Variants in HOXB3 observed in about 807,000 individuals in gnomAD.
HOXB3 encodes homeobox protein Hox-B3.
Under a neutral mutation model 29.2 loss-of-function variants are expected in HOXB3, and 17 were observed. The observed-to-expected ratio is 0.58, with a 90% CI of 0.40 to 0.87. The LOEUF is 0.87. Ranked by LOEUF, HOXB3 falls within the 40% of genes least tolerant of loss-of-function variation. HOXB3 has a pLI of 0.00. For synonymous variants in HOXB3, 317 were observed against 285.9 expected (o/e 1.11, Z -1.10); for missense variants, 637 against 616.3 (o/e 1.03, Z -0.35).
chr17:48,577,104 TTCCC>T, intron 1 of HOXB3: 16 of 1,362,780 alleles, frequency 1.2e-5, no homozygotes, highest in Admixed American at 2.3e-5. Flanking sequence ...AACACAGCGT[TTCCC>T]TCCCTCCCTC....
At chr17:48,553,403 G>C (rs1371148440) in intron 3 of HOXB3, 2 of 151,930 alleles carry the variant, frequency 1.3e-5, no homozygotes, top group Non-Finnish European at 2.9e-5. Context: ...CAATTTCCTG[G>C]GCCACGCCAG....
chr17:48,550,710 T>A lies in HOXB3; in HGVS notation c.920A>T (p.Asn307Ile). The stretch of plus-strand genomic sequence containing the variant: ...GCAGCCTTTGAGAGGGGGCTGGTAG[T>A]TGGAGGGCAGCGCGTAGGCATTCTG... ...AHQNAYALPS[N>I]YQPPLKGCGA... The change falls in exon 5 of 5, where the codon AAC (asparagine) becomes ATC (isoleucine). Residue 307 changes from asparagine to isoleucine, a missense_variant. By Grantham distance (149) the Asn-to-Ile change is moderately radical. Transcript: ENST00000498678. 2 of 1,546,714 alleles carry A rather than the reference T, an allele frequency of 1.3e-6. No homozygotes were observed. The highest frequency in any genetic ancestry group is 1.7e-6 in the Non-Finnish European group (2 of 1,145,646).
intron 1 of HOXB3, among the ~76,000 whole-genome samples, chr17:48,588,382 T>C (rs1201628163): frequency 6.6e-6 from 1 of 152,214 alleles, no homozygotes; most frequent in Non-Finnish European, 1.5e-5. Context: ...TGTTAGAGCC[T>C]ACAGAACTGA....
At chr17:48,576,813 T>C in intron 1 of HOXB3, 1 of 1,614,234 alleles carries the variant, frequency 6.2e-7, no homozygotes, top group Non-Finnish European at 8.5e-7. Context: ...GTTGGGCAAC[T>C]TGTGGTCTTT....
In HOXB3 at chr17:48,554,811, G is replaced by T; in HGVS notation, c.-159+720C>A. ...AAACTCCGCTTCGGGACTTTGCTCAGCAGGGCTCCGGGTTGGAGGGCGCCG... is the reference window on the plus strand; with the variant it reads ...AAACTCCGCTTCGGGACTTTGCTCATCAGGGCTCCGGGTTGGAGGGCGCCG... On this transcript the variant is annotated intron_variant, in intron 3 of 4. Coordinates refer to ENST00000498678, the MANE Select transcript of HOXB3 (RefSeq NM_001384749.1). This position sits in a 1 kb window ranked among gnomAD's most constrained non-coding sequence, Gnocchi z 4.1. 2.8e-6 allele frequency: 2 copies of T among 702,374 alleles called. No individual in the cohort carries two copies. The highest frequency in any genetic ancestry group is 2.7e-5 in the East Asian group (1 of 37,288). 43.5% of individuals were successfully genotyped at this position (702,374 alleles called of 1,614,324 possible).
In HOXB3 at chr17:48,550,799, G is replaced by T. The variant is rs1464006754; in HGVS notation, c.831C>A (p.Asn277Lys). The T allele has an allele frequency of 3.7e-6, 6 of 1,613,304 alleles. No individual in the cohort carries two copies. Among genetic ancestry groups the T allele is most frequent in the Non-Finnish European group, 5.1e-6 (6 of 1,179,626 alleles). Residue 277 changes from asparagine (N) to lysine (K), a missense_variant, in exon 5 of 5, where the codon AAC (asparagine) becomes AAA (lysine). Transcript: ENST00000498678. ...AGCTGGGGGTCATGGAGTGTAAGGCGTTCATGAAGCCGGCCGTGGACTGCA... is the reference window on the plus strand; with the variant it reads ...AGCTGGGGGTCATGGAGTGTAAGGCTTTCATGAAGCCGGCCGTGGACTGCA... Reference protein sequence around the residue: ...QPMQSTAGFMNALHSMTPSYE... With the variant: ...QPMQSTAGFMKALHSMTPSYE...
chr17:48,567,791 G>A (rs1213697829), intron 2 of HOXB3, among the ~76,000 whole-genome samples: 1 of 152,188 alleles, frequency 6.6e-6, no homozygotes, highest in African/African-American at 2.4e-5. Flanking sequence ...CAAACACAGA[G>A]TCCCTCACTG....
chr17:48,586,824 A>G (rs2070056285), intron 1 of HOXB3, among the ~76,000 whole-genome samples: 1 of 152,200 alleles, frequency 6.6e-6, no homozygotes, highest in Non-Finnish European at 1.5e-5. Context: ...GCAAAATAAA[A>G]CAAACCAAAT....
chr17:48,579,519 T>C (rs2069879067), intron 1 of HOXB3: 1 of 152,532 alleles, frequency 6.6e-6, no homozygotes, highest in African/African-American at 2.4e-5. Flanking sequence ...TGAAGACAAG[T>C]CATTTTTTTT....
chr17:48,573,763 T>C, intron 2 of HOXB3, 74 bp downstream of exon 2: 2 of 663,914 alleles, frequency 3.0e-6, no homozygotes, highest in Non-Finnish European at 2.7e-6. Flanking sequence ...GGCGAGAGAG[T>C]GTTTCTTCTT....
chr17:48,555,436 C>T, intron 3 of HOXB3, 95 bp downstream of exon 3: 2 of 693,810 alleles, frequency 2.9e-6, no homozygotes, highest in Non-Finnish European at 2.6e-6. Flanking sequence ...CTTGTGAACT[C>T]TTCTTGAACC....
intron 1 of HOXB3, among the ~76,000 whole-genome samples, chr17:48,589,534 C>T (rs546668143): frequency 8.2e-4 from 125 of 152,144 alleles, no homozygotes; most frequent in Non-Finnish European, 1.5e-3. Flanking sequence ...GCTCCCCATC[C>T]CAGAGAAGCC....
Position 48,550,619 on chromosome 17 carries a change from G to A in HOXB3, c.1011C>T (p.Asn337=), listed in dbSNP as rs1471029879. The A allele has an allele frequency of 2.0e-6, 3 of 1,521,270 alleles. No individual in the cohort carries two copies. Among genetic ancestry groups the A allele is most frequent in the Non-Finnish European group, 2.6e-6 (3 of 1,138,988 alleles). 94.2% of individuals were successfully genotyped at this position (1,521,270 alleles called of 1,614,324 possible). A position where few individuals can be genotyped will look rare whatever the true frequency, so the allele number is the denominator to read the frequency against. The change falls in exon 5 of 5, where the codon AAC becomes AAT. Residue 337 remains asparagine (N), a synonymous_variant. Transcript: ENST00000498678. The stretch of plus-strand genomic sequence containing the variant: ...TGGTGGGCGTCCCGTAGGCGCCCCC[G>A]TTGGCTTGGAGGACGTGCGGCTCAT... ...PEYEPHVLQA[N]GGAYGTPTMQ... is the part of the protein sequence containing the mutation.
Position 48,554,398 on chromosome 17 carries a change from C to G in HOXB3, c.-159+1133G>C. ...AATAATTTAACTAGATGCCTGGGGC[C>G]GAAATTCCTGCCGCTCCCCTTGCAA... On this transcript the variant is annotated intron_variant, in intron 3 of 4. Coordinates refer to ENST00000498678, the MANE Select transcript of HOXB3 (RefSeq NM_001384749.1). The surrounding 1 kb of genome is among the most constrained non-coding windows in gnomAD (Gnocchi z 4.1). 1.8e-6 allele frequency: 1 copy of G among 544,312 alleles called. No individual in the cohort carries two copies. Among genetic ancestry groups the G allele is most frequent in the South Asian group, 2.4e-5 (1 of 40,836 alleles). The allele number at this position is 544,312 out of a possible 1,614,324, so 33.7% of individuals were successfully genotyped here.
At chr17:48,577,980 T>A in intron 1 of HOXB3, 1 of 1,302,072 alleles carries the variant, frequency 7.7e-7, no homozygotes, top group Non-Finnish European at 9.8e-7. Context: ...GGGCTGCTGC[T>A]GACCGCCTCG....
At chr17:48,580,356 A>G (rs2069906773) in intron 1 of HOXB3, 1 of 143,684 alleles carries the variant, frequency 7.0e-6, no homozygotes, top group African/African-American at 2.7e-5. Flanking sequence ...CAAAACCCCA[A>G]TCGGCTCCTC....
intron 1 of HOXB3, chr17:48,580,943 A>C (rs72829862): frequency 0.044 from 6,736 of 152,300 alleles, 189 homozygotes; most frequent in South Asian, 0.071. Flanking sequence ...GAGGGAACTG[A>C]GACTGTGAAA....
intron 2 of HOXB3, among the ~76,000 whole-genome samples, chr17:48,557,689 G>A (rs778019425): frequency 2.6e-5 from 4 of 152,190 alleles, no homozygotes; most frequent in Non-Finnish European, 2.9e-5. Context: ...GGGGAAGCAC[G>A]GGTTGGGGGA....
chr17:48,551,410 C>T (rs887385911), intron 4 of HOXB3, among the ~76,000 whole-genome samples: 5 of 151,246 alleles, frequency 3.3e-5, no homozygotes, highest in Admixed American at 6.6e-5. Flanking sequence ...GTTCTCCTTT[C>T]GCTGCCCCAG....
Sources: gnomAD v4.1 joint callset for allele counts (sites outside exome capture counted in the v4.1 genomes callset) on GRCh38, gnomAD v4.1.1 for gene constraint, Gnocchi (gnomAD v3.1) non-coding constraint, MANE v1.5 for transcripts, NCBI Gene and HGNC (gene_info 2026-07-23, HGNC 2026-07-21) for gene names.